The following VAV3 variants were observed in gnomAD, a reference collection of about 807,000 sequenced individuals.
The protein encoded by VAV3 is vav guanine nucleotide exchange factor 3.
A neutral mutation model predicts 131.2 loss-of-function variants in VAV3; 94 were observed. That is an observed-to-expected ratio of 0.72 (90% confidence interval 0.61 to 0.85). VAV3 has a LOEUF of 0.85. VAV3 is among the 40% of genes least tolerant of loss of function. The pLI, the probability that VAV3 is intolerant of heterozygous loss-of-function variation, is 0.00. For synonymous variants in VAV3, 349 were observed against 342.0 expected, an observed-to-expected ratio of 1.02 and a Z score of -0.22; for missense variants, 939 against 1,002.7, an observed-to-expected ratio of 0.94 and a Z score of 0.86.
intron 5 of VAV3, 41 bp downstream of exon 5, chr1:107,772,693 TA>T (rs1436283968): frequency 1.2e-5 from 18 of 1,521,252 alleles, no homozygotes; most frequent in Non-Finnish European, 1.4e-5. Flanking sequence ...CCTTTCCTAA[TA>T]AAATATTCAG....
chr1:107,878,041 T>C (rs1197443943), intron 1 of VAV3, among the ~76,000 whole-genome samples: 2 of 152,304 alleles, frequency 1.3e-5, no homozygotes, highest in Admixed American at 6.5e-5. Context: ...TTATTTATTT[T>C]ATTTTTTTGA....
intron 15 of VAV3, among the ~76,000 whole-genome samples, chr1:107,714,107 C>T (rs1445847938): frequency 1.3e-5 from 2 of 151,998 alleles, no homozygotes; most frequent in Non-Finnish European, 2.9e-5. Context: ...GATAAATATG[C>T]AAATCCTGGA....
chr1:107,860,917 C>A (rs1184939249), intron 2 of VAV3, among the ~76,000 whole-genome samples: 1 of 151,624 alleles, frequency 6.6e-6, no homozygotes, highest in Non-Finnish European at 1.5e-5. Flanking sequence ...ACATAACAAT[C>A]TTCAAATATT....
intron 15 of VAV3, among the ~76,000 whole-genome samples, chr1:107,737,600 A>G (rs1557808050): frequency 1.3e-5 from 2 of 152,358 alleles, no homozygotes; most frequent in South Asian, 2.1e-4. Context: ...AGACACATGA[A>G]AAAATGCTCA....
intron 1 of VAV3, among the ~76,000 whole-genome samples, chr1:107,934,797 G>A (rs572046656): frequency 6.6e-6 from 1 of 152,284 alleles, no homozygotes; most frequent in Non-Finnish European, 1.5e-5. Flanking sequence ...ACACACTCTG[G>A]GGAATTTTGT....
intron 19 of VAV3, among the ~76,000 whole-genome samples, chr1:107,655,711 CAG>C (rs1470199658): frequency 6.6e-6 from 1 of 152,018 alleles, no homozygotes; most frequent in Non-Finnish European, 1.5e-5. Context: ...ATTCATCTGA[CAG>C]GGAATTAATA....
At chr1:107,670,695 T>C (rs1363078556) in intron 19 of VAV3, among the ~76,000 whole-genome samples, 4 of 152,298 alleles carry the variant, frequency 2.6e-5, no homozygotes, top group Non-Finnish European at 1.5e-5. Context: ...ATGCCACAAA[T>C]GTTGACTTAG....
intron 2 of VAV3, among the ~76,000 whole-genome samples, chr1:107,791,503 G>A (rs1189743541): frequency 6.6e-6 from 1 of 152,142 alleles, no homozygotes; most frequent in Non-Finnish European, 1.5e-5. Flanking sequence ...CTCAACTAGG[G>A]CAAGATAGAC....
chr1:107,613,880 G>A (rs920097669), intron 21 of VAV3, among the ~76,000 whole-genome samples: 14 of 151,916 alleles, frequency 9.2e-5, no homozygotes, highest in East Asian at 3.9e-4. Context: ...TATTTGAGAC[G>A]GAGTCTCGCT....
intron 25 of VAV3, among the ~76,000 whole-genome samples, chr1:107,574,963 C>CTCTCTGTGTGTGTGTGTG (rs1304869776): frequency 8.6e-5 from 7 of 81,114 alleles, no homozygotes; most frequent in African/African-American, 2.7e-4. Context: ...TTGAGTTTCT[C>CTCTCTGTGTGTGTGTGTG]TGTGTGTGTG....
chr1:107,581,178 C>G (rs926492848), intron 25 of VAV3, among the ~76,000 whole-genome samples: 1 of 152,220 alleles, frequency 6.6e-6, no homozygotes, highest in Non-Finnish European at 1.5e-5. Context: ...AATAGGTAAT[C>G]ATTTGCAAAC....
At chr1:107,902,332 T>C (rs887970014) in intron 1 of VAV3, among the ~76,000 whole-genome samples, 4 of 152,240 alleles carry the variant, frequency 2.6e-5, no homozygotes, top group Non-Finnish European at 5.9e-5. Flanking sequence ...CAGATGGAGA[T>C]GTAATTGTTT....
chr1:107,708,141 G>A (rs117367915), intron 15 of VAV3, among the ~76,000 whole-genome samples: 1 of 152,210 alleles, frequency 6.6e-6, no homozygotes, highest in East Asian at 1.9e-4. Flanking sequence ...AGGTTGGCAG[G>A]GACCAAGGAA....
intron 25 of VAV3, among the ~76,000 whole-genome samples, chr1:107,590,713 T>C (rs966960455): frequency 2.6e-5 from 4 of 152,202 alleles, no homozygotes; most frequent in African/African-American, 4.8e-5. Flanking sequence ...CAAATACTTA[T>C]GTACCATACT....
intron 18 of VAV3, among the ~76,000 whole-genome samples, chr1:107,686,872 CA>C (rs1168618260): frequency 1.3e-5 from 2 of 152,056 alleles, no homozygotes; most frequent in African/African-American, 4.8e-5. Context: ...TTTCTGTAAG[CA>C]CACCCACTTC....
intron 15 of VAV3, among the ~76,000 whole-genome samples, chr1:107,733,970 G>A (rs1331125431): frequency 3.9e-5 from 6 of 152,132 alleles, no homozygotes; most frequent in Admixed American, 3.9e-4. Flanking sequence ...GAAAGGTCAG[G>A]TTACCCACAA....
At chr1:107,840,253 C>T (rs991519371) in intron 2 of VAV3, among the ~76,000 whole-genome samples, 11 of 152,102 alleles carry the variant, frequency 7.2e-5, no homozygotes, top group Admixed American at 6.5e-4. Flanking sequence ...TAAATCACTG[C>T]TTTAAATTCA....
At chr1:107,947,530 C>T (rs1399493406) in intron 1 of VAV3, among the ~76,000 whole-genome samples, 1 of 152,106 alleles carries the variant, frequency 6.6e-6, no homozygotes, top group Non-Finnish European at 1.5e-5. Context: ...GTATCTTGCC[C>T]ATCTGAGTTC....
Position 107,659,299 on chromosome 1 carries a change from G to T in VAV3, c.1778-16544C>A, listed in dbSNP as rs6700429. On this transcript the variant is annotated intron_variant, in intron 19 of 26. Coordinates refer to ENST00000370056, the MANE Select transcript of VAV3 (RefSeq NM_006113.5). Reference sequence around the variant, plus strand: ...TTTCAGAAAAAAAAAAGTATAAAAGGCCTGACTTGTTACTTCAAAACTATA... The same window carrying T: ...TTTCAGAAAAAAAAAAGTATAAAAGTCCTGACTTGTTACTTCAAAACTATA... Among the ~76,000 whole-genome samples the T allele has an allele frequency of 9.3e-3, 1,414 of 152,068 alleles. 14 individuals are homozygous for T. Among genetic ancestry groups the T allele is most frequent in the African/African-American group, 0.029 (1,190 of 41,494 alleles).
Sources: gnomAD v4.1 joint callset for allele counts (sites outside exome capture counted in the v4.1 genomes callset) on GRCh38, gnomAD v4.1.1 for gene constraint, MANE v1.5 for transcripts, NCBI Gene and HGNC (gene_info 2026-07-23, HGNC 2026-07-21) for gene names.